Variants in KCND3 observed in about 807,000 individuals in gnomAD.
The protein encoded by KCND3 is potassium voltage-gated channel subfamily D member 3.
A neutral mutation model predicts 51.1 loss-of-function variants in KCND3; 9 were observed. The observed-to-expected ratio is 0.18, with a 90% CI of 0.11 to 0.31. The LOEUF is 0.31. Ranked by LOEUF, KCND3 falls within the 10% of genes least tolerant of loss-of-function variation. KCND3 has a pLI of 1.00. For missense variants in KCND3, 526 were observed against 903.8 expected (o/e 0.58, Z 5.36); for synonymous variants, 349 against 368.0 (o/e 0.95, Z 0.59).
intron 2 of KCND3, among the ~76,000 whole-genome samples, chr1:111,822,138 G>A (rs1312764241): frequency 6.6e-6 from 1 of 151,322 alleles, no homozygotes; most frequent in Non-Finnish European, 1.5e-5. Flanking sequence ...AGATTTATGT[G>A]ATTTTCACAT....
At chr1:111,891,206 G>A (rs1338166481) in intron 2 of KCND3, among the ~76,000 whole-genome samples, 23 of 152,142 alleles carry the variant, frequency 1.5e-4, no homozygotes, top group Admixed American at 1.5e-3. Context: ...AAAGGGTTGG[G>A]CACATGGGCA....
At position 111,787,216 on chromosome 1, in the gene KCND3, G is replaced by T. The variant is rs11587284; in HGVS notation, c.1107-110C>A. The T allele has an allele frequency of 0.15, 178,002 of 1,149,132 alleles. 14,601 individuals are homozygous for T. Among genetic ancestry groups the T allele is most frequent in the East Asian group, 0.22 (9,028 of 41,528 alleles). The allele number at this position is 1,149,132 out of a possible 1,614,324, so 71.2% of individuals were successfully genotyped here. A position where few individuals can be genotyped will look rare whatever the true frequency, so the allele number is the denominator to read the frequency against. On this transcript the variant is annotated intron_variant, in intron 2 of 7. Transcript: ENST00000302127. ...TTATTCATTCATTCATTCAGCAATT[G>T]CTTAGAGTATCTACTATGTGCCAGG...
chr1:111,892,481 T>C (rs566862877), intron 2 of KCND3, among the ~76,000 whole-genome samples: 1 of 152,322 alleles, frequency 6.6e-6, no homozygotes, highest in Admixed American at 6.5e-5. Flanking sequence ...TCAAGAGTCA[T>C]TTGCTTACAA....
chr1:111,801,272 A>G (rs899985910), intron 2 of KCND3, among the ~76,000 whole-genome samples: 3 of 152,226 alleles, frequency 2.0e-5, no homozygotes, highest in African/African-American at 7.2e-5. Context: ...TCTGTGCAGC[A>G]CAGGCAGCAT....
At chr1:111,835,644 C>T (rs1437126129) in intron 2 of KCND3, among the ~76,000 whole-genome samples, 1 of 152,196 alleles carries the variant, frequency 6.6e-6, no homozygotes, top group Non-Finnish European at 1.5e-5. Flanking sequence ...AATGCCATGA[C>T]AGTTAAGAAA....
chr1:111,907,075 C>T (rs1452124706), intron 2 of KCND3, among the ~76,000 whole-genome samples: 1 of 152,162 alleles, frequency 6.6e-6, no homozygotes, highest in African/African-American at 2.4e-5. Flanking sequence ...TCCCCCAATC[C>T]TGGGCTCCTG....
In KCND3 at chr1:111,908,788, C is replaced by T. The variant is rs764133841; in HGVS notation, c.1106+72833G>A. ...CTATCATAGAAAGGTCACCCATTCC[C>T]TTCCCCAACTTTGTGGAGGTCTTGC... is the stretch of plus-strand genomic sequence containing the variant. On this transcript the variant is annotated intron_variant, in intron 2 of 7. Transcript: ENST00000302127. Among the ~76,000 whole-genome samples the T allele has an allele frequency of 2.0e-5, 3 of 152,058 alleles. No individual in the cohort carries two copies. The East Asian group carries it at 5.8e-4, about 29-fold the overall frequency.
chr1:111,802,352 T>C (rs1665349913), intron 2 of KCND3, among the ~76,000 whole-genome samples: 2 of 152,228 alleles, frequency 1.3e-5, no homozygotes, highest in Admixed American at 1.3e-4. Flanking sequence ...TGCCAGTGGC[T>C]GTTTCACACT....
Position 111,780,129 on chromosome 1 carries a change from A to G in KCND3, c.1461+96T>C, listed in dbSNP as rs1664306168. On this transcript the variant is annotated intron_variant, in intron 5 of 7. Coordinates refer to ENST00000302127, the MANE Select transcript of KCND3 (RefSeq NM_001378969.1). The surrounding 1 kb of genome is among the most constrained non-coding windows in gnomAD (Gnocchi z 4.2). ...TACCTTTTGGATCTGAAGGGGACAGACTTTGACTTCTGGCCCAGAGTGAAG... is the reference window on the plus strand; with the variant it reads ...TACCTTTTGGATCTGAAGGGGACAGGCTTTGACTTCTGGCCCAGAGTGAAG... The G allele has an allele frequency of 3.9e-6, 5 of 1,277,848 alleles. No individual in the cohort carries two copies. The Admixed American group carries it at 9.9e-5, about 25-fold the overall frequency. 79.2% of individuals were successfully genotyped at this position (1,277,848 alleles called of 1,614,324 possible).
chr1:111,905,527 G>A (rs925266366), intron 2 of KCND3, among the ~76,000 whole-genome samples: 32 of 152,194 alleles, frequency 2.1e-4, no homozygotes, highest in Non-Finnish European at 4.3e-4. Flanking sequence ...TGGACCATGC[G>A]TCTGCAGCAA....
intron 2 of KCND3, among the ~76,000 whole-genome samples, chr1:111,919,809 G>A (rs1390567950): frequency 6.6e-6 from 1 of 152,184 alleles, no homozygotes; most frequent in African/African-American, 2.4e-5. Context: ...AGTCCCTCCT[G>A]AGATGGCATC....
At chr1:111,816,061 C>T (rs1054804957) in intron 2 of KCND3, among the ~76,000 whole-genome samples, 2 of 152,226 alleles carry the variant, frequency 1.3e-5, no homozygotes, top group African/African-American at 4.8e-5. Flanking sequence ...CTCGTTTAAT[C>T]CTTGCAACAG....
At chr1:111,839,337 G>A (rs1667220795) in intron 2 of KCND3, among the ~76,000 whole-genome samples, 1 of 152,220 alleles carries the variant, frequency 6.6e-6, no homozygotes, top group Non-Finnish European at 1.5e-5. Flanking sequence ...AGAAGCAGGT[G>A]CTTTTATTTT....
chr1:111,946,016 C>G (rs1232156989), intron 2 of KCND3, among the ~76,000 whole-genome samples: 2 of 152,220 alleles, frequency 1.3e-5, no homozygotes, highest in African/African-American at 4.8e-5. Context: ...ACCAACATCA[C>G]TAGGTGTTGT....
intron 2 of KCND3, among the ~76,000 whole-genome samples, chr1:111,917,222 T>G (rs1031792137): frequency 6.6e-6 from 1 of 152,192 alleles, no homozygotes; most frequent in Non-Finnish European, 1.5e-5. Flanking sequence ...TATTTACCAT[T>G]TCATTCAACA....
chr1:111,879,437 T>G (rs1034516943), intron 2 of KCND3, among the ~76,000 whole-genome samples: 1 of 152,222 alleles, frequency 6.6e-6, no homozygotes. Flanking sequence ...AAACTCAGCA[T>G]GAAGGCACTT....
chr1:111,924,601 G>A (rs1435251382), intron 2 of KCND3, among the ~76,000 whole-genome samples: 1 of 152,184 alleles, frequency 6.6e-6, no homozygotes, highest in Non-Finnish European at 1.5e-5. Context: ...CTTAGAAAAT[G>A]CCTCCCTACC....
At chr1:111,911,003 G>C (rs1376814153) in intron 2 of KCND3, 1 of 152,184 alleles carries the variant, frequency 6.6e-6, no homozygotes, top group African/African-American at 2.4e-5. Context: ...TGAGGGGACC[G>C]CTAAGAGATA....
chr1:111,851,801 T>C (rs553525789), intron 2 of KCND3, among the ~76,000 whole-genome samples: 22 of 152,314 alleles, frequency 1.4e-4, no homozygotes, highest in South Asian at 6.2e-4. Flanking sequence ...CGGCCGTGGC[T>C]ATGGAACAAA....
Sources: allele counts gnomAD v4.1 joint callset (sites outside exome capture counted in the v4.1 genomes callset), GRCh38; gene constraint gnomAD v4.1.1; non-coding constraint Gnocchi (gnomAD v3.1); transcripts MANE v1.5; gene names NCBI Gene and HGNC (gene_info 2026-07-23, HGNC 2026-07-21).